CSMD1: variants seen among roughly 807,000 people sequenced by gnomAD.
The protein encoded by CSMD1 is CUB and sushi domain-containing protein 1.
CSMD1 carries 213 observed loss-of-function variants against 417.5 expected under a neutral mutation model. The ratio of observed to expected loss-of-function variants is 0.51; its 90% CI spans 0.46 to 0.57. The LOEUF (loss-of-function observed/expected upper bound fraction) is 0.57. Ranked by LOEUF, CSMD1 falls within the 20% of genes least tolerant of loss-of-function variation. CSMD1 has a pLI of 0.00. For missense variants in CSMD1, 6,923 were observed against 4,529.7 expected, an observed-to-expected ratio of 1.53 and a Z score of -15.17; for synonymous variants, 2,862 against 1,736.8, an observed-to-expected ratio of 1.65 and a Z score of -16.11.
chr8:4,795,432 A>C (rs1797924900), intron 1 of CSMD1, among the ~76,000 whole-genome samples: 1 of 151,320 alleles, frequency 6.6e-6, no homozygotes, highest in South Asian at 2.1e-4. Flanking sequence ...GCACCACGCC[A>C]GGCTAACTTT....
At chr8:2,948,625 A>C (rs1802414277) in intron 68 of CSMD1, among the ~76,000 whole-genome samples, 1 of 152,152 alleles carries the variant, frequency 6.6e-6, no homozygotes, top group Non-Finnish European at 1.5e-5. Context: ...CAATTCTTTC[A>C]GCATAGATGG....
At chr8:4,063,276 CA>C (rs72137889) in intron 3 of CSMD1, among the ~76,000 whole-genome samples, 66,891 of 150,030 alleles carry the variant, frequency 0.45, 15,501 homozygotes, top group Non-Finnish European at 0.48. Context: ...TTACATAGAA[CA>C]AAAAAACCAA....
intron 1 of CSMD1, among the ~76,000 whole-genome samples, chr8:4,724,256 G>A (rs544806713): frequency 5.3e-5 from 8 of 152,082 alleles, no homozygotes; most frequent in Middle Eastern, 3.4e-3. Context: ...TATCAGGCTG[G>A]CTAATGAATA....
chr8:4,090,456 G>A (rs1800658141), intron 3 of CSMD1, among the ~76,000 whole-genome samples: 1 of 151,892 alleles, frequency 6.6e-6, no homozygotes, highest in East Asian at 1.9e-4. Flanking sequence ...AAAATACATG[G>A]GAAGGTTTTA....
intron 2 of CSMD1, among the ~76,000 whole-genome samples, chr8:4,523,183 A>C (rs980610109): frequency 6.6e-6 from 1 of 152,170 alleles, no homozygotes; most frequent in African/African-American, 2.4e-5. Flanking sequence ...TTAGTAATTC[A>C]AAATAGGTCC....
intron 2 of CSMD1, among the ~76,000 whole-genome samples, chr8:4,423,186 A>G (rs887627145): frequency 1.3e-5 from 2 of 152,122 alleles, no homozygotes; most frequent in African/African-American, 4.8e-5. Context: ...TTCTTATTCA[A>G]TATCGTGCTG....
intron 2 of CSMD1, among the ~76,000 whole-genome samples, chr8:4,457,168 G>A (rs538311669): frequency 3.3e-5 from 5 of 151,914 alleles, no homozygotes; most frequent in East Asian, 1.9e-4. Context: ...TGGGTTTTAC[G>A]GACCTAGATG....
intron 7 of CSMD1, among the ~76,000 whole-genome samples, chr8:3,635,857 G>A (rs986222153): frequency 6.7e-6 from 1 of 148,972 alleles, no homozygotes; most frequent in African/African-American, 2.5e-5. Flanking sequence ...TGCACACTTA[G>A]GTTACTCTAC....
intron 4 of CSMD1, among the ~76,000 whole-genome samples, chr8:4,000,775 C>G (rs987024661): frequency 6.6e-6 from 1 of 151,500 alleles, no homozygotes; most frequent in African/African-American, 2.4e-5. Context: ...TTATTCTTTT[C>G]TCTGAATTCA....
intron 7 of CSMD1, among the ~76,000 whole-genome samples, chr8:3,628,221 T>G (rs939945134): frequency 6.6e-6 from 1 of 152,196 alleles, no homozygotes; most frequent in African/African-American, 2.4e-5. Context: ...TTAAAATTTG[T>G]GTTCTAATAA....
intron 41 of CSMD1, among the ~76,000 whole-genome samples, chr8:3,121,597 G>C (rs759635675): frequency 4.6e-5 from 7 of 152,156 alleles, no homozygotes; most frequent in Non-Finnish European, 7.3e-5. Context: ...AGCTTTGGGG[G>C]CTCCCTAAGA....
intron 3 of CSMD1, among the ~76,000 whole-genome samples, chr8:4,252,213 G>C (rs962126637): frequency 6.6e-6 from 1 of 152,134 alleles, no homozygotes; most frequent in Admixed American, 6.5e-5. Flanking sequence ...CAAGACAAAG[G>C]TAAACAGGCA....
At chr8:4,624,019 C>T (rs1428311279) in intron 2 of CSMD1, among the ~76,000 whole-genome samples, 1 of 152,088 alleles carries the variant, frequency 6.6e-6, no homozygotes, top group Non-Finnish European at 1.5e-5. Context: ...ATAATTGTAA[C>T]TAAAGGACTC....
At chr8:4,073,870 T>C (rs1323629820) in intron 3 of CSMD1, among the ~76,000 whole-genome samples, 1 of 152,162 alleles carries the variant, frequency 6.6e-6, no homozygotes, top group Non-Finnish European at 1.5e-5. Flanking sequence ...TTCAGTAATA[T>C]AGTCAATAAC....
At chr8:3,802,617 A>T (rs1156454564) in intron 5 of CSMD1, among the ~76,000 whole-genome samples, 2 of 152,188 alleles carry the variant, frequency 1.3e-5, no homozygotes, top group Non-Finnish European at 2.9e-5. Context: ...TGTTTATATA[A>T]TTTTAAGCCT....
intron 1 of CSMD1, among the ~76,000 whole-genome samples, chr8:4,853,138 A>G (rs572825411): frequency 2.6e-5 from 4 of 152,344 alleles, no homozygotes; most frequent in Admixed American, 2.6e-4. Flanking sequence ...CAAGTGGGCT[A>G]TGGAGCAAAC....
At chr8:3,217,662 C>A (rs967635273) in intron 29 of CSMD1, among the ~76,000 whole-genome samples, 2 of 152,224 alleles carry the variant, frequency 1.3e-5, no homozygotes, top group East Asian at 1.9e-4. Context: ...TATTCCTAAA[C>A]GTGACGGATC....
At chr8:4,237,542 T>G (rs1274356936) in intron 3 of CSMD1, among the ~76,000 whole-genome samples, 4 of 151,866 alleles carry the variant, frequency 2.6e-5, no homozygotes, top group Admixed American at 6.6e-5. Context: ...TACTTTTTTT[T>G]TTTTGTTTTT....
At chr8:3,273,292 A>G (rs1802009831) in intron 26 of CSMD1, among the ~76,000 whole-genome samples, 2 of 152,136 alleles carry the variant, frequency 1.3e-5, no homozygotes, top group East Asian at 1.9e-4. Flanking sequence ...CCACTTGATC[A>G]TGGTGGATAA....
Sources: allele counts gnomAD v4.1 joint callset (sites outside exome capture counted in the v4.1 genomes callset), GRCh38; gene constraint gnomAD v4.1.1; transcripts MANE v1.5; gene names NCBI Gene and HGNC (gene_info 2026-07-23, HGNC 2026-07-21).